Variants in CLCN3 observed in about 807,000 individuals in gnomAD.
CLCN3 encodes Cl-/H+ antiporter 3.
A neutral mutation model predicts 83.4 loss-of-function variants in CLCN3; 16 were observed. The ratio of observed to expected loss-of-function variants is 0.19; its 90% confidence interval spans 0.13 to 0.29. The LOEUF is 0.29. Among genes scored for constraint, CLCN3 ranks in the 10% least tolerant of loss-of-function variants. The probability of loss-of-function intolerance (pLI) is 1.00; values close to 1 mark genes in which losing one functional copy is unlikely to be tolerated. For synonymous variants in CLCN3, 322 were observed against 346.2 expected (o/e 0.93, Z 0.78); for missense variants, 544 against 1,006.0 (o/e 0.54, Z 6.21).
intron 6 of CLCN3, among the ~76,000 whole-genome samples, chr4:169,691,136 T>C (rs1732356041): frequency 6.6e-6 from 1 of 152,096 alleles, no homozygotes; most frequent in Non-Finnish European, 1.5e-5. Context: ...GGAGTTGCGA[T>C]TGCAGGCACC....
chr4:169,633,471 G>C (rs1230303229), intron 1 of CLCN3, among the ~76,000 whole-genome samples: 2 of 151,582 alleles, frequency 1.3e-5, no homozygotes, highest in East Asian at 3.8e-4. Context: ...TGCTGTGTTA[G>C]AGTCTAAATA....
In CLCN3 at chr4:169,636,158, T is replaced by A. The variant is rs575966743; in HGVS notation, c.160+70T>A. 1.3e-4 allele frequency: 171 copies of A among 1,351,128 alleles called. 1 individual carries two copies. The South Asian group carries it at 2.3e-3, about 19-fold the overall frequency. 83.7% of individuals were successfully genotyped at this position (1,351,128 alleles called of 1,614,324 possible). On this transcript the variant is annotated intron_variant, in intron 2 of 12. Transcript: ENST00000513761. ...ACTAATAAATATGTACACTATTTTA[T>A]TGAGGTTGAATTTTTCAGTAACTTT...
intron 2 of CLCN3, among the ~76,000 whole-genome samples, chr4:169,653,389 C>T (rs1730783115): frequency 6.6e-6 from 1 of 152,044 alleles, no homozygotes; most frequent in Admixed American, 6.5e-5. Context: ...CCTGTAATCC[C>T]TGCACTTTGG....
intron 1 of CLCN3, among the ~76,000 whole-genome samples, chr4:169,628,174 C>T (rs1773280871): frequency 6.6e-6 from 1 of 152,062 alleles, no homozygotes; most frequent in African/African-American, 2.4e-5. Context: ...AAATGGATCA[C>T]AGACTGAAAT....
At chr4:169,665,353 TTTAGACAG>T (rs1560843936) in intron 2 of CLCN3, among the ~76,000 whole-genome samples, 1 of 152,226 alleles carries the variant, frequency 6.6e-6, no homozygotes, top group Non-Finnish European at 1.5e-5. Context: ...GTCTTTGCAG[TTTAGACAG>T]TTAAATATGA....
At chr4:169,710,933 A>G (rs1003171030) in intron 11 of CLCN3, among the ~76,000 whole-genome samples, 2 of 152,154 alleles carry the variant, frequency 1.3e-5, no homozygotes, top group Non-Finnish European at 2.9e-5. Flanking sequence ...GGCTTCAGCA[A>G]TCCCCTCCTC....
intron 3 of CLCN3, among the ~76,000 whole-genome samples, chr4:169,686,419 CTTT>C (rs34609299): frequency 1.4e-5 from 2 of 141,602 alleles, no homozygotes; most frequent in Admixed American, 7.1e-5. Context: ...TGAAAATTGA[CTTT>C]TTTTTTTTTT....
At position 169,713,256 on chromosome 4, in the gene CLCN3, G is replaced by A. The variant is rs1479067247; in HGVS notation, c.2327G>A (p.Arg776Gln). The A allele has an allele frequency of 1.9e-6, 3 of 1,613,966 alleles. No homozygotes were observed. Among genetic ancestry groups the A allele is most frequent in the Non-Finnish European group, 2.5e-6 (3 of 1,179,992 alleles). ...TPMEIVVDIF[R>Q]KLGLRQCLVT... Reference sequence around the variant, plus strand: ...ATGGAGATCGTGGTGGATATTTTCCGAAAGCTGGGACTGAGGCAGTGCCTT... The same window carrying A: ...ATGGAGATCGTGGTGGATATTTTCCAAAAGCTGGGACTGAGGCAGTGCCTT... The change falls in exon 12 of 13, where the codon CGA becomes CAA. Residue 776 changes from arginine (R) to glutamine (Q), a missense_variant. Around this residue, in one of 6 missense-constraint regions of CLCN3, gnomAD observed 142 missense variants for 225.0 expected, o/e 0.63. Coordinates refer to ENST00000513761, the MANE Select transcript of CLCN3 (RefSeq NM_001829.4).
chr4:169,684,964 A>G (rs1334736009), intron 3 of CLCN3, among the ~76,000 whole-genome samples: 1 of 145,320 alleles, frequency 6.9e-6, no homozygotes, highest in African/African-American at 2.5e-5. Context: ...GCACACCACC[A>G]TGCCTGGCTA....
chr4:169,682,392 A>T (rs1226435277), intron 3 of CLCN3, among the ~76,000 whole-genome samples: 1 of 152,226 alleles, frequency 6.6e-6, no homozygotes, highest in Non-Finnish European at 1.5e-5. Flanking sequence ...ATACACATTT[A>T]TTTAACTTAA....
At chr4:169,677,810 G>A (rs572087741) in intron 2 of CLCN3, among the ~76,000 whole-genome samples, 13 of 152,198 alleles carry the variant, frequency 8.5e-5, no homozygotes, top group Non-Finnish European at 1.9e-4. Flanking sequence ...TCTGATAGAG[G>A]GAAATGATAT....
intron 1 of CLCN3, among the ~76,000 whole-genome samples, chr4:169,634,142 T>G (rs527250088): frequency 5.9e-5 from 9 of 152,318 alleles, no homozygotes; most frequent in African/African-American, 2.2e-4. Context: ...AGTTACCACT[T>G]ACGATTTTTG....
intron 2 of CLCN3, among the ~76,000 whole-genome samples, chr4:169,645,525 G>A (rs553505040): frequency 2.0e-5 from 3 of 152,230 alleles, no homozygotes; most frequent in South Asian, 4.2e-4. Flanking sequence ...AGGTCATTCC[G>A]AGGTATATTT....
chr4:169,624,726 G>T (rs1384706955), intron 1 of CLCN3, among the ~76,000 whole-genome samples: 1 of 152,080 alleles, frequency 6.6e-6, no homozygotes, highest in Non-Finnish European at 1.5e-5. Flanking sequence ...ATAATTTCTG[G>T]TACATTGTTA....
Position 169,713,254 on chromosome 4 carries a change from C to T in CLCN3, c.2325C>T (p.Phe775=). Residue 775 remains phenylalanine, a synonymous_variant, in exon 12 of 13, where the codon TTC becomes TTT. Transcript: ENST00000513761. ...HTPMEIVVDI[F]RKLGLRQCLV... ...CAATGGAGATCGTGGTGGATATTTT[C>T]CGAAAGCTGGGACTGAGGCAGTGCC... The T allele has an allele frequency of 6.2e-7, 1 of 1,614,054 alleles. No homozygotes were observed. The highest frequency in any genetic ancestry group is 8.5e-7 in the Non-Finnish European group (1 of 1,179,998).
intron 1 of CLCN3, among the ~76,000 whole-genome samples, chr4:169,622,630 A>C (rs1305791807): frequency 6.6e-6 from 1 of 152,170 alleles, no homozygotes; most frequent in African/African-American, 2.4e-5. Context: ...GAATTATCTC[A>C]ATTTTCACAC....
At chr4:169,654,351 G>T (rs1315189456) in intron 2 of CLCN3, among the ~76,000 whole-genome samples, 3 of 151,464 alleles carry the variant, frequency 2.0e-5, no homozygotes, top group Admixed American at 6.6e-5. Context: ...CCAATGAATT[G>T]GTTTGCCTTT....
intron 8 of CLCN3, among the ~76,000 whole-genome samples, chr4:169,696,890 T>C (rs1381289799): frequency 6.6e-6 from 1 of 152,034 alleles, no homozygotes; most frequent in African/African-American, 2.4e-5. Flanking sequence ...TACATTTATT[T>C]TTAACTACCA....
intron 9 of CLCN3, among the ~76,000 whole-genome samples, chr4:169,701,750 T>C (rs1320684048): frequency 6.6e-6 from 1 of 152,156 alleles, no homozygotes; most frequent in East Asian, 1.9e-4. Context: ...TAAAATACAC[T>C]TGAAAGAGGG....
Sources: allele counts gnomAD v4.1 joint callset (sites outside exome capture counted in the v4.1 genomes callset), GRCh38; gene constraint gnomAD v4.1.1; regional missense constraint gnomAD v4.1.1; transcripts MANE v1.5; gene names NCBI Gene and HGNC (gene_info 2026-07-23, HGNC 2026-07-21).